STX11: variants seen among roughly 807,000 people sequenced by gnomAD.
STX11 encodes the protein syntaxin-11.
In STX11, 21 loss-of-function variants were observed where a neutral mutation model predicts 19.9. The observed-to-expected ratio is 1.06, with a 90% CI of 0.75 to 1.52. STX11 has a LOEUF of 1.52. STX11 is among the 40% of genes most tolerant of loss of function. The probability of loss-of-function intolerance (pLI) is 0.00; values close to 1 mark genes in which losing one functional copy is unlikely to be tolerated. For synonymous variants in STX11, 193 were observed against 174.4 expected (o/e 1.11, Z -0.84); for missense variants, 438 against 405.9 (o/e 1.08, Z -0.68).
At position 144,151,374 on chromosome 6, in the gene STX11, T is replaced by G. The variant is rs1344150390; in HGVS notation, c.-6+671T>G. On this transcript the variant is annotated intron_variant, in intron 1 of 1. Transcript: ENST00000367568. This position sits in a 1 kb window ranked among gnomAD's most constrained non-coding sequence, Gnocchi z 4.6. ...GTTCTCACGCACTTGTTTCAGCCGT[T>G]TCTCAGCAGAGGGAGGAGCTGTTAT... 1.5e-5 allele frequency: 15 copies of G among 985,308 alleles called. No homozygotes were observed. The highest frequency in any genetic ancestry group is 1.8e-5 in the Non-Finnish European group (15 of 829,932). 61.0% of individuals were successfully genotyped at this position (985,308 alleles called of 1,614,324 possible).
intron 1 of STX11, 147 bp downstream of exon 1, chr6:144,150,850 C>A: frequency 2.0e-6 from 1 of 499,882 alleles, no homozygotes; most frequent in East Asian, 1.5e-4. Flanking sequence ...GGATCTGGCG[C>A]AGGTCCTCAC....
rs1483400283 is a variant in STX11 at position 144,186,699 on chromosome 6, T to C, written c.72T>C (p.Asp24=). The C allele has an allele frequency of 6.2e-7, 1 of 1,614,180 alleles. No homozygotes were observed. Among genetic ancestry groups the C allele is most frequent in the Non-Finnish European group, 8.5e-7 (1 of 1,180,044 alleles). Residue 24 remains aspartate (D), a synonymous_variant, in exon 2 of 2, where the codon GAT becomes GAC. Transcript: ENST00000367568. ...QYDQQFPDGD[D]EFDSPHEDIV... is the part of the protein sequence containing the mutation. ...ACCAGCAGTTCCCAGACGGGGACGA[T>C]GAGTTTGACTCGCCCCACGAGGACA...
rs769871425 is a variant in STX11, at chr6:144,159,184, C to T, written c.-6+8481C>T. ...GCGTATTTATTCAACAACTATTTATCGAGGCTTTCCTATATGCCGGGTGCT... is the reference window on the plus strand; with the variant it reads ...GCGTATTTATTCAACAACTATTTATTGAGGCTTTCCTATATGCCGGGTGCT... On this transcript the variant is annotated intron_variant, in intron 1 of 1. Transcript: ENST00000367568. This position sits in a 1 kb window ranked among gnomAD's most constrained non-coding sequence, Gnocchi z 4.3. Among the ~76,000 whole-genome samples, 3 of 152,264 alleles carry T rather than the reference C, an allele frequency of 2.0e-5. No individual in the cohort carries two copies. Among genetic ancestry groups the T allele is most frequent in the Non-Finnish European group, 2.9e-5 (2 of 68,022 alleles).
At chr6:144,145,821 T>C (rs1800863156), upstream of STX11, among the ~76,000 whole-genome samples, 1 of 152,152 alleles carries the variant, frequency 6.6e-6, no homozygotes, top group Non-Finnish European at 1.5e-5. Flanking sequence ...ACCAGGGAGT[T>C]AGTGTTTAAT....
the STX11 span, among the ~76,000 whole-genome samples, chr6:144,140,586 T>C: frequency 6.6e-6 from 1 of 152,054 alleles, no homozygotes; most frequent in African/African-American, 2.4e-5. Flanking sequence ...TTGTTTTTTT[T>C]TGGTGCCAGT....
Position 144,155,600 on chromosome 6 carries a change from C to G in STX11, c.-6+4897C>G, listed in dbSNP as rs1801115441. Among the ~76,000 whole-genome samples the G allele has an allele frequency of 6.6e-6, 1 of 152,168 alleles. No homozygotes were observed. Among genetic ancestry groups the G allele is most frequent in the African/African-American group, 2.4e-5 (1 of 41,438 alleles). ...ATCACAAGAAAGGGAAGGGTTTTGGCTAATATTTCATATCGGTTTGTCTTG... is the reference window on the plus strand; with the variant it reads ...ATCACAAGAAAGGGAAGGGTTTTGGGTAATATTTCATATCGGTTTGTCTTG... On this transcript the variant is annotated intron_variant, in intron 1 of 1. Coordinates refer to ENST00000367568, the MANE Select transcript of STX11 (RefSeq NM_003764.4). The surrounding 1 kb of genome is among the most constrained non-coding windows in gnomAD (Gnocchi z 4.5).
chr6:144,142,107 T>C, the STX11 span, among the ~76,000 whole-genome samples: 1 of 151,662 alleles, frequency 6.6e-6, no homozygotes, highest in Admixed American at 6.6e-5. Context: ...GACAGGAGGC[T>C]ATAGGGTTCA....
Position 144,189,597 on chromosome 6 carries a change from G to T in STX11, c.*2106G>T, listed in dbSNP as rs1802163419. On this transcript the variant is annotated 3_prime_UTR_variant, in exon 2 of 2. Transcript: ENST00000367568. ...TTAATACATGAGTGAGTTTAGTAGT[G>T]ATCATATTTCTCAGGTCCTTTAGAA... Among the ~76,000 whole-genome samples the T allele has an allele frequency of 6.6e-6, 1 of 152,130 alleles. No homozygotes were observed. Among genetic ancestry groups the T allele is most frequent in the South Asian group, 2.1e-4 (1 of 4,830 alleles).
At position 144,151,940 on chromosome 6, in the gene STX11, G is replaced by A. The variant is rs1801017745; in HGVS notation, c.-6+1237G>A. 6.6e-6 allele frequency among the ~76,000 whole-genome samples: 1 copy of A among 152,108 alleles called. No homozygotes were observed. Among genetic ancestry groups the A allele is most frequent in the Non-Finnish European group, 1.5e-5 (1 of 68,024 alleles). ...ACACTATCTCAACACGGTAGAGAAG[G>A]GGACACCATCTCTACTGGAGCTGAG... On this transcript the variant is annotated intron_variant, in intron 1 of 1. Transcript: ENST00000367568. This position sits in a 1 kb window ranked among gnomAD's most constrained non-coding sequence, Gnocchi z 4.6.
rs1253972201 is a variant in STX11, at chr6:144,174,442, T to C, written c.-5-12181T>C. On this transcript the variant is annotated intron_variant, in intron 1 of 1. Transcript: ENST00000367568. The surrounding 1 kb of genome is among the most constrained non-coding windows in gnomAD (Gnocchi z 5.3). ...TGGAGTGCAGTGGTGTGATCTTAGC[T>C]TACTGCAACCTCTGCATCCCAGGTT... 1.3e-5 allele frequency among the ~76,000 whole-genome samples: 2 copies of C among 152,162 alleles called. No individual in the cohort carries two copies. The highest frequency in any genetic ancestry group is 2.4e-5 in the African/African-American group (1 of 41,444).
In STX11 at chr6:144,150,547, C is replaced by A; in HGVS notation, c.-162C>A. 3.0e-6 allele frequency: 3 copies of A among 985,424 alleles called. No individual in the cohort carries two copies. Among genetic ancestry groups the A allele is most frequent in the African/African-American group, 1.7e-5 (1 of 57,346 alleles). The allele number at this position is 985,424 out of a possible 1,614,324, so 61.0% of individuals were successfully genotyped here. ...CGGCCGCGGCGGCGCGGAGCTCGGG[C>A]GGCCGTGGAGGAACTCAGCCTCGGC... is the stretch of plus-strand genomic sequence containing the variant. On this transcript the variant is annotated 5_prime_UTR_variant, in exon 1 of 2. Coordinates refer to ENST00000367568, the MANE Select transcript of STX11 (RefSeq NM_003764.4).
rs902905350 is a variant in STX11, at chr6:144,187,980, C to T, written c.*489C>T. ...TGGGAAAAACCACGTTCTTCCTTTC[C>T]GATTCTTCATCCGGTCTACGCTATG... On this transcript the variant is annotated 3_prime_UTR_variant, in exon 2 of 2. Coordinates refer to ENST00000367568, the MANE Select transcript of STX11 (RefSeq NM_003764.4). This position sits in a 1 kb window ranked among gnomAD's most constrained non-coding sequence, Gnocchi z 5.6. 1.8e-5 allele frequency: 5 copies of T among 281,978 alleles called. No homozygotes were observed. Among genetic ancestry groups the T allele is most frequent in the African/African-American group, 1.1e-4 (5 of 45,968 alleles). The allele number at this position is 281,978 out of a possible 1,614,324, so 17.5% of individuals were successfully genotyped here.
At position 144,183,446 on chromosome 6, in the gene STX11, G is replaced by A. The variant is rs1403732350; in HGVS notation, c.-5-3177G>A. Among the ~76,000 whole-genome samples the A allele has an allele frequency of 6.6e-6, 1 of 152,132 alleles. No homozygotes were observed. Among genetic ancestry groups the A allele is most frequent in the Non-Finnish European group, 1.5e-5 (1 of 68,032 alleles). On this transcript the variant is annotated intron_variant, in intron 1 of 1. Coordinates refer to ENST00000367568, the MANE Select transcript of STX11 (RefSeq NM_003764.4). The surrounding 1 kb of genome is among the most constrained non-coding windows in gnomAD (Gnocchi z 4.6). Reference sequence around the variant, plus strand: ...CATACACTTTTGCATTATATCTTTAGAATAAATGCACATATGTCAAAACAA... The same window carrying A: ...CATACACTTTTGCATTATATCTTTAAAATAAATGCACATATGTCAAAACAA...
At position 144,162,426 on chromosome 6, in the gene STX11, C is replaced by T. The variant is rs575406039; in HGVS notation, c.-6+11723C>T. Among the ~76,000 whole-genome samples the T allele has an allele frequency of 5.3e-5, 8 of 152,288 alleles. No homozygotes were observed. In the South Asian group the frequency reaches 1.2e-3, roughly 24 times the overall value. Reference sequence around the variant, plus strand: ...CTCTCTTATTCTTTATCCTAGTTGGCTTATGCCTTTAGAAAGTTCCTTTAG... The same window carrying T: ...CTCTCTTATTCTTTATCCTAGTTGGTTTATGCCTTTAGAAAGTTCCTTTAG... On this transcript the variant is annotated intron_variant, in intron 1 of 1. Coordinates refer to ENST00000367568, the MANE Select transcript of STX11 (RefSeq NM_003764.4). The surrounding 1 kb of genome is among the most constrained non-coding windows in gnomAD (Gnocchi z 4.6).
chr6:144,150,749 T>G, intron 1 of STX11, 46 bp downstream of exon 1: 1 of 347,706 alleles, frequency 2.9e-6, no homozygotes, highest in Non-Finnish European at 3.9e-6. Flanking sequence ...CCTGACTATT[T>G]TCCCCGTGCG....
chr6:144,143,960 G>GA, the STX11 span, among the ~76,000 whole-genome samples: 2 of 152,066 alleles, frequency 1.3e-5, no homozygotes, highest in African/African-American at 2.4e-5. Flanking sequence ...TGCTCTGTAA[G>GA]AAAAAAACAT....
In STX11 at chr6:144,187,248, C is replaced by G; in HGVS notation, c.621C>G (p.Ile207Met). 1 of 1,613,752 alleles carries G rather than the reference C, an allele frequency of 6.2e-7. No homozygotes were observed. The highest frequency in any genetic ancestry group is 8.5e-7 in the Non-Finnish European group (1 of 1,179,966). ...VKGARAALNE[I>M]ESRHRELLRL... ...GCGCGCGGGCCGCCCTCAACGAGAT[C>G]GAGAGCCGCCACCGCGAACTGCTGC... The change falls in exon 2 of 2, where the codon ATC becomes ATG. Residue 207 changes from isoleucine (I) to methionine (M), a missense_variant. Coordinates refer to ENST00000367568, the MANE Select transcript of STX11 (RefSeq NM_003764.4). The surrounding 1 kb of genome is among the most constrained non-coding windows in gnomAD (Gnocchi z 5.6).
upstream of STX11, among the ~76,000 whole-genome samples, chr6:144,147,156 G>T (rs7763339): frequency 0.019 from 2,806 of 147,354 alleles, 84 homozygotes; most frequent in African/African-American, 0.067. This position sits in a 1 kb window ranked among gnomAD's most constrained non-coding sequence, Gnocchi z 4.2. Context: ...AACATGTATA[G>T]CTTCTAATTA....
In STX11 at chr6:144,187,389, C is replaced by T; in HGVS notation, c.762C>T (p.Asp254=). 6.2e-7 allele frequency: 1 copy of T among 1,610,986 alleles called. No individual in the cohort carries two copies. Among genetic ancestry groups the T allele is most frequent in the Non-Finnish European group, 8.5e-7 (1 of 1,179,982 alleles). Reference sequence around the variant, plus strand: ...AGCTCAACGTACAAAAGACGGTCGACTACACCGGCCAGGCCAAGGCGCAGG... The same window carrying T: ...AGCTCAACGTACAAAAGACGGTCGATTACACCGGCCAGGCCAAGGCGCAGG... ...VIELNVQKTV[D]YTGQAKAQVR... The change falls in exon 2 of 2, where the codon GAC becomes GAT. Residue 254 remains aspartate, a synonymous_variant. Transcript: ENST00000367568. The surrounding 1 kb of genome is among the most constrained non-coding windows in gnomAD (Gnocchi z 5.6).
Sources: gnomAD v4.1 joint callset for allele counts (sites outside exome capture counted in the v4.1 genomes callset) on GRCh38, gnomAD v4.1.1 for gene constraint, Gnocchi (gnomAD v3.1) non-coding constraint, MANE v1.5 for transcripts, NCBI Gene and HGNC (gene_info 2026-07-23, HGNC 2026-07-21) for gene names.